The following SPIDR variants were observed in gnomAD, a reference collection of about 807,000 sequenced individuals.
SPIDR encodes the protein scaffold protein involved in DNA repair, also known as DNA repair-scaffolding protein.
Under a neutral mutation model 104.6 loss-of-function variants are expected in SPIDR, and 93 were observed. The observed-to-expected ratio is 0.89, with a 90% CI of 0.75 to 1.06. The LOEUF is 1.06. Among genes scored for constraint, SPIDR ranks in the 50% least tolerant of loss-of-function variants. The pLI is 0.00. For missense variants in SPIDR, 1,154 were observed against 1,111.2 expected, an observed-to-expected ratio of 1.04 and a Z score of -0.55; for synonymous variants, 431 against 416.9, an observed-to-expected ratio of 1.03 and a Z score of -0.41.
chr8:47,731,203 C>A (rs960476283), intron 19 of SPIDR, among the ~76,000 whole-genome samples: 1 of 151,478 alleles, frequency 6.6e-6, no homozygotes, highest in Non-Finnish European at 1.5e-5. Flanking sequence ...TTGCAGTGAG[C>A]TGAGATTGTG....
At chr8:47,391,832 TAAA>T (rs1441437473) in intron 5 of SPIDR, among the ~76,000 whole-genome samples, 3 of 151,542 alleles carry the variant, frequency 2.0e-5, no homozygotes, top group African/African-American at 7.3e-5. Context: ...CCGTCTCTAC[TAAA>T]AATACAAAAA....
chr8:47,539,592 C>G (rs1480573143), intron 8 of SPIDR, among the ~76,000 whole-genome samples: 1 of 152,028 alleles, frequency 6.6e-6, no homozygotes, highest in African/African-American at 2.4e-5. Flanking sequence ...TGGCCATGTC[C>G]TTTGGCCACT....
chr8:47,310,162 G>A (rs373427631), intron 5 of SPIDR, among the ~76,000 whole-genome samples: 25 of 150,286 alleles, frequency 1.7e-4, no homozygotes, highest in East Asian at 5.9e-4. Flanking sequence ...GTGAAACCCC[G>A]TCTCTACTAA....
At chr8:47,365,762 AG>A (rs782558713) in intron 5 of SPIDR, among the ~76,000 whole-genome samples, 43 of 152,294 alleles carry the variant, frequency 2.8e-4, no homozygotes, top group Non-Finnish European at 5.1e-4. Flanking sequence ...TGCAGAGGCA[AG>A]GGTGGATGAC....
At chr8:47,407,804 A>G in intron 6 of SPIDR, 57 bp from the exon 7 acceptor site, 1 of 1,047,566 alleles carries the variant, frequency 9.5e-7, no homozygotes, top group Non-Finnish European at 1.4e-6. Flanking sequence ...TAAATGTTCC[A>G]GTGATTCTGA....
chr8:47,336,300 G>T (rs782291784), intron 5 of SPIDR, among the ~76,000 whole-genome samples: 1 of 152,228 alleles, frequency 6.6e-6, no homozygotes, highest in Non-Finnish European at 1.5e-5. Context: ...GTTTTTCTGT[G>T]AACATACTGT....
intron 16 of SPIDR, among the ~76,000 whole-genome samples, chr8:47,716,004 A>T (rs1287908755): frequency 7.6e-6 from 1 of 131,658 alleles, no homozygotes; most frequent in Non-Finnish European, 1.5e-5. Context: ...TCTGTCTGTC[A>T]CCCAGGCTGG....
intron 8 of SPIDR, among the ~76,000 whole-genome samples, chr8:47,507,165 C>A (rs995143165): frequency 2.0e-5 from 3 of 152,190 alleles, no homozygotes; most frequent in African/African-American, 7.2e-5. Flanking sequence ...GCTGCCAGCT[C>A]CTCAGTCTTC....
intron 14 of SPIDR, among the ~76,000 whole-genome samples, chr8:47,708,079 C>T (rs1291792587): frequency 6.6e-6 from 1 of 152,236 alleles, no homozygotes; most frequent in African/African-American, 2.4e-5. Flanking sequence ...GCAGGTGGAT[C>T]AGCTGAGGTC....
At position 47,504,437 on chromosome 8, in the gene SPIDR, G is replaced by A. The variant is rs552109360; in HGVS notation, c.1097+63895G>A. Among the ~76,000 whole-genome samples, 5 of 152,118 alleles carry A rather than the reference G, an allele frequency of 3.3e-5. No homozygotes were observed. The South Asian group carries it at 8.3e-4, about 25-fold the overall frequency. The stretch of plus-strand genomic sequence containing the variant: ...TCTAGTTGATCGAATCGGCTACTGA[G>A]GCTTGTGCATTTGTCACATAGTTCT... On this transcript the variant is annotated intron_variant, in intron 8 of 19. Coordinates refer to ENST00000297423, the MANE Select transcript of SPIDR (RefSeq NM_001080394.4).
chr8:47,462,115 T>G (rs1055772352), intron 8 of SPIDR, among the ~76,000 whole-genome samples: 5 of 152,154 alleles, frequency 3.3e-5, no homozygotes, highest in Admixed American at 3.3e-4. Flanking sequence ...GTTCCCTTGA[T>G]GTAGTACTCT....
Position 47,735,699 on chromosome 8 carries a change from A to T in SPIDR, c.*249A>T. 1.1e-6 allele frequency: 1 copy of T among 873,208 alleles called. No homozygotes were observed. Among genetic ancestry groups the T allele is most frequent in the South Asian group, 1.9e-5 (1 of 52,508 alleles). 54.1% of individuals were successfully genotyped at this position (873,208 alleles called of 1,614,324 possible). On this transcript the variant is annotated 3_prime_UTR_variant, in exon 20 of 20. Coordinates refer to ENST00000297423, the MANE Select transcript of SPIDR (RefSeq NM_001080394.4). ...ACATATTTACTCGTTTTCACATTGA[A>T]TCTTAAGTTTAAGCTCTTCATTTGG...
At chr8:47,480,770 G>T (rs941362839) in intron 8 of SPIDR, among the ~76,000 whole-genome samples, 1 of 152,196 alleles carries the variant, frequency 6.6e-6, no homozygotes, top group South Asian at 2.1e-4. Flanking sequence ...AGCCAAGTGA[G>T]CAGGAAGGGT....
chr8:47,415,463 G>T (rs570268395), intron 7 of SPIDR, among the ~76,000 whole-genome samples: 3 of 152,134 alleles, frequency 2.0e-5, no homozygotes, highest in Non-Finnish European at 2.9e-5. Context: ...TGTTACTGTG[G>T]TCTGAATTTT....
chr8:47,371,925 G>A (rs2058084630), intron 5 of SPIDR, among the ~76,000 whole-genome samples: 1 of 152,110 alleles, frequency 6.6e-6, no homozygotes, highest in Non-Finnish European at 1.5e-5. Flanking sequence ...TTGACTACAT[G>A]GTGACTCTCC....
At chr8:47,329,273 G>A (rs1467016559) in intron 5 of SPIDR, among the ~76,000 whole-genome samples, 3 of 151,780 alleles carry the variant, frequency 2.0e-5, no homozygotes, top group South Asian at 4.2e-4. Flanking sequence ...GGGTTTCACC[G>A]TGTTAGCCAG....
intron 5 of SPIDR, among the ~76,000 whole-genome samples, chr8:47,391,795 GA>G (rs1554652210): frequency 6.6e-6 from 1 of 151,862 alleles, no homozygotes; most frequent in African/African-American, 2.4e-5. Flanking sequence ...AGGAGATCGA[GA>G]CCATCCTGGC....
rs2082338690 is a variant in SPIDR, at chr8:47,511,618, G to A, written c.1097+71076G>A. On this transcript the variant is annotated intron_variant, in intron 8 of 19. Transcript: ENST00000297423. The stretch of plus-strand genomic sequence containing the variant: ...CAGTACTACATGAACATCTTGGTTG[G>A]AATGATGTCTCTTTTCTCCTGCCAC... 5.1e-6 allele frequency: 4 copies of A among 790,646 alleles called. No individual in the cohort carries two copies. In the East Asian group the frequency reaches 9.7e-5, roughly 19 times the overall value. 49.0% of individuals were successfully genotyped at this position (790,646 alleles called of 1,614,324 possible).
In SPIDR at chr8:47,292,234, G is replaced by A. The variant is rs1554569789; in HGVS notation, c.361+1097G>A. ...TGACTTTTAACTCTTGACGGTTCATGTTAGTTACCTAGGGTTCAGTTTGTA... is the reference window on the plus strand; with the variant it reads ...TGACTTTTAACTCTTGACGGTTCATATTAGTTACCTAGGGTTCAGTTTGTA... On this transcript the variant is annotated intron_variant, in intron 4 of 19. Coordinates refer to ENST00000297423, the MANE Select transcript of SPIDR (RefSeq NM_001080394.4). 6.6e-3 allele frequency among the ~76,000 whole-genome samples: 1,003 copies of A among 152,234 alleles called. 8 individuals are homozygous for A. The highest frequency in any genetic ancestry group is 0.011 in the Non-Finnish European group (754 of 68,024).
Sources: gnomAD v4.1 joint callset for allele counts (sites outside exome capture counted in the v4.1 genomes callset) on GRCh38, gnomAD v4.1.1 for gene constraint, MANE v1.5 for transcripts, NCBI Gene and HGNC (gene_info 2026-07-23, HGNC 2026-07-21) for gene names.